Variants in SHANK2 observed in about 807,000 individuals in gnomAD.
The protein encoded by SHANK2 is SH3 and multiple ankyrin repeat domains 2.
A neutral mutation model predicts 133.7 loss-of-function variants in SHANK2; 43 were observed. The observed-to-expected ratio is 0.32, with a 90% CI of 0.25 to 0.41. The LOEUF (loss-of-function observed/expected upper bound fraction) is 0.41. Ranked by LOEUF, SHANK2 falls within the 10% of genes least tolerant of loss-of-function variation. The pLI, the probability that SHANK2 is intolerant of heterozygous loss-of-function variation, is 1.00. For missense variants in SHANK2, 1,994 were observed against 2,235.8 expected (o/e 0.89, Z 2.18); for synonymous variants, 1,017 against 952.8 (o/e 1.07, Z -1.24).
Position 70,470,092 on chromosome 11 carries a change from G to A in SHANK2, c.*2777C>T, listed in dbSNP as rs1238880970. ...AAAGAGGGGCATGGAATAGGGCCTC[G>A]TCCTAACATGTCCCAAAGGGGGAGA... On this transcript the variant is annotated 3_prime_UTR_variant, in exon 26 of 26. Coordinates refer to ENST00000601538, the MANE Select transcript of SHANK2 (RefSeq NM_012309.5). 2.0e-5 allele frequency: 3 copies of A among 152,594 alleles called. No individual in the cohort carries two copies. Among genetic ancestry groups the A allele is most frequent in the South Asian group, 2.1e-4 (1 of 4,822 alleles). 9.5% of individuals were successfully genotyped at this position (152,594 alleles called of 1,614,324 possible). A position where few individuals can be genotyped will look rare whatever the true frequency, so the allele number is the denominator to read the frequency against.
chr11:70,856,947 C>T (rs911206646), intron 11 of SHANK2, among the ~76,000 whole-genome samples: 4 of 152,242 alleles, frequency 2.6e-5, no homozygotes, highest in African/African-American at 9.6e-5. Context: ...TCCTTAACTT[C>T]TGTCTACCTC....
At chr11:70,481,921 C>T (rs138994887) in intron 25 of SHANK2, among the ~76,000 whole-genome samples, 4 of 151,666 alleles carry the variant, frequency 2.6e-5, no homozygotes, top group East Asian at 2.0e-4. Context: ...ACAGCCCTCA[C>T]GGCAAGGGGG....
intron 11 of SHANK2, among the ~76,000 whole-genome samples, chr11:70,845,220 G>GA (rs1474708702): frequency 8.0e-6 from 1 of 125,626 alleles, no homozygotes; most frequent in Non-Finnish European, 1.7e-5. Flanking sequence ...AAAAAAAAAA[G>GA]AAAAAGAAAG....
rs142352529 is a variant in SHANK2 at position 71,223,561 on chromosome 11, A to G, written c.-13+1136T>C. Among the ~76,000 whole-genome samples the G allele has an allele frequency of 1.6e-3, 243 of 152,336 alleles. 1 individual carries two copies. The highest frequency in any genetic ancestry group is 5.7e-3 in the African/African-American group (237 of 41,574). On this transcript the variant is annotated intron_variant, in intron 2 of 25. Coordinates refer to ENST00000601538, the MANE Select transcript of SHANK2 (RefSeq NM_012309.5). ...TTAAAGTATATGAGAGAAAGTACTT[A>G]GGTTATATGAAAATACTGCACCATA...
chr11:70,746,785 T>C (rs1555036206), intron 14 of SHANK2, among the ~76,000 whole-genome samples: 1 of 149,174 alleles, frequency 6.7e-6, no homozygotes, highest in African/African-American at 2.5e-5. Flanking sequence ...ACCTCCCACC[T>C]CAGCTCCTCT....
intron 17 of SHANK2, among the ~76,000 whole-genome samples, chr11:70,601,644 G>A (rs962037343): frequency 9.9e-5 from 15 of 152,280 alleles, no homozygotes; most frequent in East Asian, 3.9e-4. Context: ...GAGCCACCGC[G>A]CCCGGCCAGT....
intron 17 of SHANK2, among the ~76,000 whole-genome samples, chr11:70,537,853 T>A (rs956995698): frequency 6.6e-6 from 1 of 152,120 alleles, no homozygotes; most frequent in Non-Finnish European, 1.5e-5. Context: ...ACGTCAACCC[T>A]GCAGCAGGTC....
At chr11:71,247,484 T>TTTA (rs1555125165) in intron 1 of SHANK2, among the ~76,000 whole-genome samples, 6 of 145,960 alleles carry the variant, frequency 4.1e-5, no homozygotes, top group African/African-American at 1.5e-4. Flanking sequence ...CTGTTTTTTT[T>TTTA]AAAAAAAACA....
chr11:70,487,284 G>C lies in SHANK2; in HGVS notation c.3009C>G (p.Pro1003=). 1 of 1,614,194 alleles carries C rather than the reference G, an allele frequency of 6.2e-7. No individual in the cohort carries two copies. Among genetic ancestry groups the C allele is most frequent in the South Asian group, 1.1e-5 (1 of 91,080 alleles). ...TCCCCTTCCGCCTGGCGGGCTTGGC[G>C]GGGACGTAGACGGCTTTGCTGGCGA... The part of the protein sequence containing the change: ...GKIASKAVYV[P]AKPARRKGML... The change falls in exon 25 of 26, where the codon CCC becomes CCG. Residue 1003 remains proline (P), a synonymous_variant. Transcript: ENST00000601538. This position sits in a 1 kb window ranked among gnomAD's most constrained non-coding sequence, Gnocchi z 5.8.
At chr11:70,617,804 C>G (rs2060771932) in intron 17 of SHANK2, among the ~76,000 whole-genome samples, 1 of 151,816 alleles carries the variant, frequency 6.6e-6, no homozygotes, top group African/African-American at 2.4e-5. Flanking sequence ...CACATGGACA[C>G]AGGAAGGGGA....
At chr11:70,770,509 G>T (rs187914616) in intron 14 of SHANK2, among the ~76,000 whole-genome samples, 1 of 152,250 alleles carries the variant, frequency 6.6e-6, no homozygotes, top group East Asian at 1.9e-4. Flanking sequence ...GCCTGGAGCG[G>T]CCAATGAGCC....
At chr11:70,704,673 GGAGT>G (rs1945619295) in intron 14 of SHANK2, among the ~76,000 whole-genome samples, 1 of 152,344 alleles carries the variant, frequency 6.6e-6, no homozygotes, top group Non-Finnish European at 1.5e-5. Context: ...GCACAGGGAG[GGAGT>G]GAGTCCAGCA....
intron 3 of SHANK2, among the ~76,000 whole-genome samples, chr11:71,122,485 G>A (rs1952098803): frequency 6.6e-6 from 1 of 152,068 alleles, no homozygotes; most frequent in Admixed American, 6.6e-5. Context: ...CATCACACAT[G>A]GGGGCCTGTC....
chr11:70,735,297 G>A (rs992956375), intron 14 of SHANK2, among the ~76,000 whole-genome samples: 2 of 152,196 alleles, frequency 1.3e-5, no homozygotes, highest in African/African-American at 2.4e-5. Flanking sequence ...CTGGCTTCCC[G>A]AGAGATCCTT....
intron 10 of SHANK2, among the ~76,000 whole-genome samples, chr11:70,918,962 G>C (rs1950308821): frequency 6.6e-6 from 1 of 152,078 alleles, no homozygotes; most frequent in Non-Finnish European, 1.5e-5. Flanking sequence ...CCAGGAGTTT[G>C]AGACCAGGCT....
intron 11 of SHANK2, among the ~76,000 whole-genome samples, chr11:70,853,363 C>T (rs192462749): frequency 1.3e-5 from 2 of 152,182 alleles, no homozygotes; most frequent in East Asian, 1.9e-4. Flanking sequence ...TGAGTCACAG[C>T]GGCCGTGGGG....
intron 10 of SHANK2, among the ~76,000 whole-genome samples, chr11:70,953,286 GA>G (rs1950872252): frequency 6.6e-6 from 1 of 151,698 alleles, no homozygotes; most frequent in African/African-American, 2.4e-5. Flanking sequence ...CAGAGGGACA[GA>G]ACTGATAGGA....
At chr11:70,502,775 T>TG (rs1224796883) in intron 18 of SHANK2, 21 bp downstream of exon 18, 7 of 869,434 alleles carry the variant, frequency 8.1e-6, no homozygotes, top group Non-Finnish European at 1.0e-5. Flanking sequence ...AGGCTGGAGC[T>TG]GGGCGATGTG....
At chr11:70,750,700 T>G (rs1555037306) in intron 14 of SHANK2, among the ~76,000 whole-genome samples, 1 of 152,182 alleles carries the variant, frequency 6.6e-6, no homozygotes, top group East Asian at 1.9e-4. Context: ...CAGGTGGATC[T>G]GACCTCGAAC....
Sources: gnomAD v4.1 joint callset for allele counts (sites outside exome capture counted in the v4.1 genomes callset) on GRCh38, gnomAD v4.1.1 for gene constraint, Gnocchi (gnomAD v3.1) non-coding constraint, MANE v1.5 for transcripts, NCBI Gene and HGNC (gene_info 2026-07-23, HGNC 2026-07-21) for gene names.